Variants in LGALS9 observed in about 807,000 individuals in gnomAD.
The protein encoded by LGALS9 is galectin-9.
Under a neutral mutation model 35.9 loss-of-function variants are expected in LGALS9, and 26 were observed. The ratio of observed to expected loss-of-function variants is 0.72; its 90% CI spans 0.53 to 1.01. The LOEUF is 1.01. Ranked by LOEUF, LGALS9 falls within the 50% of genes least tolerant of loss-of-function variation. The pLI is 0.00. For synonymous variants in LGALS9, 149 were observed against 172.2 expected, an observed-to-expected ratio of 0.87 and a Z score of 1.06; for missense variants, 347 against 445.8, an observed-to-expected ratio of 0.78 and a Z score of 1.99.
At chr17:27,642,419 T>C (rs374014569) in intron 4 of LGALS9, 71 bp downstream of exon 4, 36 of 1,603,610 alleles carry the variant, frequency 2.2e-5, no homozygotes, top group Non-Finnish European at 2.7e-5. Context: ...GTCTAAGCCC[T>C]GCTGGGTGGG....
chr17:27,649,115 T>C lies in LGALS9; in HGVS notation c.*133T>C. On this transcript the variant is annotated 3_prime_UTR_variant, in exon 11 of 11. Transcript: ENST00000395473. Reference sequence around the variant, plus strand: ...CTTTAATGCAGAGGCCATGTCCTTGTCTGGTCCTGCTTCTGGCTACAGCCA... The same window carrying C: ...CTTTAATGCAGAGGCCATGTCCTTGCCTGGTCCTGCTTCTGGCTACAGCCA... 1 of 1,418,752 alleles carries C rather than the reference T, an allele frequency of 7.0e-7. No individual in the cohort carries two copies. Among genetic ancestry groups the C allele is most frequent in the Non-Finnish European group, 9.7e-7 (1 of 1,035,736 alleles). 87.9% of individuals were successfully genotyped at this position (1,418,752 alleles called of 1,614,324 possible).
chr17:27,646,964 T>G, intron 8 of LGALS9, 66 bp from the exon 9 acceptor site: 1 of 1,608,278 alleles, frequency 6.2e-7, no homozygotes, highest in East Asian at 2.2e-5. Flanking sequence ...ACAGCCCAAA[T>G]TCATGGGAAC....
At chr17:27,646,491 G>A in intron 7 of LGALS9, 56 bp from the exon 8 acceptor site, 1 of 1,611,178 alleles carries the variant, frequency 6.2e-7, no homozygotes, top group Non-Finnish European at 8.5e-7. Flanking sequence ...GCGCCTGGGT[G>A]AGTGCTCGCG....
At chr17:27,639,975 A>T (rs1462788471) in intron 2 of LGALS9, among the ~76,000 whole-genome samples, 2 of 151,960 alleles carry the variant, frequency 1.3e-5, no homozygotes, top group East Asian at 3.9e-4. Context: ...AGACCTCGTG[A>T]TCCACATGCC....
intron 1 of LGALS9, among the ~76,000 whole-genome samples, chr17:27,632,412 C>T (rs907811880): frequency 2.6e-5 from 4 of 152,156 alleles, no homozygotes; most frequent in South Asian, 2.1e-4. Flanking sequence ...CTGCAGAGCT[C>T]GGCTCTGCTT....
rs1410274531 is a variant in LGALS9, at chr17:27,649,072, C to A, written c.*90C>A. On this transcript the variant is annotated 3_prime_UTR_variant, in exon 11 of 11. Transcript: ENST00000395473. ...CACTTCCCAGGCCCAGCCTTTCCAA[C>A]CCTGCCTGGGATCTGGGCTTTAATG... 5 of 1,584,778 alleles carry A rather than the reference C, an allele frequency of 3.2e-6. No individual in the cohort carries two copies. The East Asian group carries it at 6.7e-5, about 21-fold the overall frequency.
chr17:27,645,162 G>T lies in LGALS9; in HGVS notation c.541-152G>T, dbSNP rs1472248731. Reference sequence around the variant, plus strand: ...GGGGGTAAAAATCTGGGTGCCACGGGCTCAGGAAGGCTTGCTTGGGAGCAA... The same window carrying T: ...GGGGGTAAAAATCTGGGTGCCACGGTCTCAGGAAGGCTTGCTTGGGAGCAA... On this transcript the variant is annotated intron_variant, in intron 5 of 10. Transcript: ENST00000395473. 6 of 1,537,836 alleles carry T rather than the reference G, an allele frequency of 3.9e-6. No homozygotes were observed. The African/African-American group carries it at 5.4e-5, about 14-fold the overall frequency.
chr17:27,635,643 C>G (rs1228304168), intron 1 of LGALS9, among the ~76,000 whole-genome samples: 2 of 152,046 alleles, frequency 1.3e-5, no homozygotes, highest in East Asian at 1.9e-4. Flanking sequence ...CTTAATTAAG[C>G]CTTGTGTGTA....
At chr17:27,647,646 C>T (rs1000441564) in intron 10 of LGALS9, among the ~76,000 whole-genome samples, 1 of 152,212 alleles carries the variant, frequency 6.6e-6, no homozygotes, top group African/African-American at 2.4e-5. Context: ...GAAACAAACT[C>T]ACAAGTGCAG....
rs770727270 is a variant in LGALS9, at chr17:27,640,653, C to T, written c.213C>T (p.Tyr71=). Residue 71 remains tyrosine, a synonymous_variant, in exon 3 of 11, where the codon TAC becomes TAT. Coordinates refer to ENST00000395473, the MANE Select transcript of LGALS9 (RefSeq NM_009587.3). ...HFNPRFEDGG[Y]VVCNTRQNGS... ...ACCCTCGGTTTGAAGATGGAGGGTACGTGGTGTGCAACACGAGGCAGAACG... is the reference window on the plus strand; with the variant it reads ...ACCCTCGGTTTGAAGATGGAGGGTATGTGGTGTGCAACACGAGGCAGAACG... 59 of 1,614,060 alleles carry T rather than the reference C, an allele frequency of 3.7e-5. No individual in the cohort carries two copies. Among genetic ancestry groups the T allele is most frequent in the Non-Finnish European group, 2.5e-5 (30 of 1,180,014 alleles).
At chr17:27,641,947 A>G (rs1296879870) in intron 3 of LGALS9, among the ~76,000 whole-genome samples, 2 of 152,124 alleles carry the variant, frequency 1.3e-5, no homozygotes, top group African/African-American at 4.8e-5. Context: ...CAAAAAACAA[A>G]AAAAAACAGT....
chr17:27,648,075 G>T (rs747741659), intron 10 of LGALS9, among the ~76,000 whole-genome samples: 7 of 152,256 alleles, frequency 4.6e-5, no homozygotes, highest in Non-Finnish European at 8.8e-5. Flanking sequence ...TCAGTGCTGG[G>T]ACCCCAGCCC....
At chr17:27,636,178 A>G (rs1242280190) in intron 1 of LGALS9, among the ~76,000 whole-genome samples, 1 of 152,222 alleles carries the variant, frequency 6.6e-6, no homozygotes, top group Non-Finnish European at 1.5e-5. Flanking sequence ...CAACTCAACA[A>G]TACAGACCAG....
At chr17:27,636,088 C>T (rs2074448057) in intron 1 of LGALS9, among the ~76,000 whole-genome samples, 1 of 151,582 alleles carries the variant, frequency 6.6e-6, no homozygotes, top group East Asian at 1.9e-4. Context: ...TGAATCAGAT[C>T]CCAGATTTCC....
chr17:27,642,437 C>T lies in LGALS9; in HGVS notation c.444+89C>T, dbSNP rs554526026. 8,187 of 1,578,814 alleles carry T rather than the reference C, an allele frequency of 5.2e-3. 37 individuals are homozygous for T. The highest frequency in any genetic ancestry group is 7.5e-3 in the South Asian group (646 of 86,546). ...TAAGCCCTGCTGGGTGGGCCCAAGC[C>T]AATCTCCTACCCAGGTCACTCTGGG... On this transcript the variant is annotated intron_variant, in intron 4 of 10. Coordinates refer to ENST00000395473, the MANE Select transcript of LGALS9 (RefSeq NM_009587.3).
Position 27,643,540 on chromosome 17 carries a change from C to A in LGALS9, c.460C>A (p.Pro154Thr). Reference protein sequence around the residue: ...YISFQNPRTVPVQPAFSTVPF... With the variant: ...YISFQNPRTVTVQPAFSTVPF... ...GTTTTAACAGAACCCCCGCACAGTC[C>A]CTGTTCAGCCTGCCTTCTCCACGGT... is the stretch of plus-strand genomic sequence containing the variant. Residue 154 changes from proline to threonine, a missense_variant, in exon 5 of 11, where the codon CCT becomes ACT. Physicochemically the swap from Pro to Thr is conservative, Grantham distance 38 (BLOSUM62 -1). Transcript: ENST00000395473. 5 of 1,611,920 alleles carry A rather than the reference C, an allele frequency of 3.1e-6. No homozygotes were observed. Among genetic ancestry groups the A allele is most frequent in the Non-Finnish European group, 4.2e-6 (5 of 1,179,782 alleles).
chr17:27,649,029 G>C lies in LGALS9; in HGVS notation c.*47G>C. ...CGGGGGCTGGGGTGTGGGGCAGTCT[G>C]GGTCCTCTCATCATCCCCACTTCCC... On this transcript the variant is annotated 3_prime_UTR_variant, in exon 11 of 11. Coordinates refer to ENST00000395473, the MANE Select transcript of LGALS9 (RefSeq NM_009587.3). 1 of 1,612,380 alleles carries C rather than the reference G, an allele frequency of 6.2e-7. No homozygotes were observed. The highest frequency in any genetic ancestry group is 8.5e-7 in the Non-Finnish European group (1 of 1,178,980).
At chr17:27,633,519 G>A (rs114977877) in intron 1 of LGALS9, among the ~76,000 whole-genome samples, 70 of 152,266 alleles carry the variant, frequency 4.6e-4, no homozygotes, top group African/African-American at 1.3e-3. Flanking sequence ...TCCCCACTTC[G>A]GGGTCGGGCC....
In LGALS9 at chr17:27,639,310, A is replaced by G. The variant is rs565695177; in HGVS notation, c.131+956A>G. Among the ~76,000 whole-genome samples the G allele has an allele frequency of 7.2e-5, 11 of 151,734 alleles. No homozygotes were observed. The East Asian group carries it at 2.1e-3, about 30-fold the overall frequency. ...TCCAACCAGGGGAATCAGGACCATG[A>G]CCCTGATCTTCCGCCCCTTCCTCTC... On this transcript the variant is annotated intron_variant, in intron 2 of 10. Coordinates refer to ENST00000395473, the MANE Select transcript of LGALS9 (RefSeq NM_009587.3).
Sources: gnomAD v4.1 joint callset for allele counts (sites outside exome capture counted in the v4.1 genomes callset) on GRCh38, gnomAD v4.1.1 for gene constraint, MANE v1.5 for transcripts, NCBI Gene and HGNC (gene_info 2026-07-23, HGNC 2026-07-21) for gene names.